The following TAMM41 variants were observed in gnomAD, a reference collection of about 807,000 sequenced individuals.
TAMM41 encodes TAM41 mitochondrial translocator assembly and maintenance homolog, also known as phosphatidate cytidylyltransferase, mitochondrial.
Under a neutral mutation model 44.1 loss-of-function variants are expected in TAMM41, and 36 were observed. The observed-to-expected ratio is 0.82, with a 90% CI of 0.63 to 1.08. TAMM41 has a LOEUF of 1.08. TAMM41 is among the 50% of genes least tolerant of loss of function. The probability of loss-of-function intolerance (pLI) is 0.00; values close to 1 mark genes in which losing one functional copy is unlikely to be tolerated. For synonymous variants in TAMM41, 164 were observed against 153.1 expected (o/e 1.07, Z -0.53); for missense variants, 417 against 404.3 (o/e 1.03, Z -0.27).
chr3:11,829,990 G>A, intron 3 of TAMM41, 126 bp from the exon 4 acceptor site: 1 of 903,120 alleles, frequency 1.1e-6, no homozygotes, highest in Non-Finnish European at 1.7e-6. Context: ...ACTGGTTCAG[G>A]TGACACAAAA....
intron 4 of TAMM41, among the ~76,000 whole-genome samples, chr3:11,819,432 T>C (rs1034973735): frequency 2.0e-5 from 3 of 152,218 alleles, no homozygotes; most frequent in Non-Finnish European, 2.9e-5. Flanking sequence ...ATACTACATA[T>C]ATAAAATTGC....
At chr3:11,739,678 A>AG in the TAMM41 span, among the ~76,000 whole-genome samples, 2 of 149,644 alleles carry the variant, frequency 1.3e-5, no homozygotes. Context: ...TCTCAAAAAA[A>AG]AAAAAAAAAA....
At chr3:11,741,264 G>A in the TAMM41 span, among the ~76,000 whole-genome samples, 1 of 146,080 alleles carries the variant, frequency 6.8e-6, no homozygotes, top group Non-Finnish European at 1.5e-5. Flanking sequence ...CTGGTGTCTG[G>A]TGTGGGCTAC....
chr3:11,809,727 A>G (rs776919304), intron 5 of TAMM41, 45 bp from the exon 6 acceptor site: 20 of 1,567,228 alleles, frequency 1.3e-5, no homozygotes, highest in Non-Finnish European at 1.7e-5. Flanking sequence ...AGTGCTTTAA[A>G]TCCTACAAAT....
the TAMM41 span, among the ~76,000 whole-genome samples, chr3:11,741,729 G>A: frequency 6.7e-6 from 1 of 150,084 alleles, no homozygotes; most frequent in Non-Finnish European, 1.5e-5. Context: ...TCTTTCTTAT[G>A]TTGGGAACTT....
At chr3:11,774,094 A>C in the TAMM41 span, among the ~76,000 whole-genome samples, 2 of 151,894 alleles carry the variant, frequency 1.3e-5, no homozygotes. Flanking sequence ...TCTCAAAAAA[A>C]CCAAAACAAA....
At chr3:11,805,115 T>C (rs1176528425) in intron 7 of TAMM41, among the ~76,000 whole-genome samples, 1 of 147,894 alleles carries the variant, frequency 6.8e-6, no homozygotes, top group Admixed American at 6.9e-5. Context: ...GCAATTCTCC[T>C]GCCTCAGCCG....
intron 4 of TAMM41, among the ~76,000 whole-genome samples, chr3:11,818,082 A>T (rs1436827818): frequency 6.6e-6 from 1 of 152,232 alleles, no homozygotes; most frequent in African/African-American, 2.4e-5. Flanking sequence ...GTGCATGCCT[A>T]CTGGGCTAAT....
chr3:11,781,736 AAAT>A, the TAMM41 span, among the ~76,000 whole-genome samples: 2,281 of 123,002 alleles, frequency 0.019, 21 homozygotes, highest in East Asian at 0.068. Flanking sequence ...CTCCATCTCA[AAAT>A]AATAATAATA....
the TAMM41 span, among the ~76,000 whole-genome samples, chr3:11,747,982 CT>C: frequency 6.6e-5 from 10 of 150,840 alleles, no homozygotes; most frequent in Admixed American, 1.3e-4. Flanking sequence ...TCAAGAGATC[CT>C]CCCACCTCAG....
At chr3:11,780,631 T>C in the TAMM41 span, among the ~76,000 whole-genome samples, 2 of 152,178 alleles carry the variant, frequency 1.3e-5, no homozygotes, top group South Asian at 4.1e-4. Flanking sequence ...ATTAAATGAA[T>C]AAATATATAG....
chr3:11,815,154 C>T (rs904692451), intron 5 of TAMM41, among the ~76,000 whole-genome samples: 7 of 152,106 alleles, frequency 4.6e-5, no homozygotes, highest in Admixed American at 2.6e-4. Flanking sequence ...CCCTCACACC[C>T]TTTAAGAAGG....
chr3:11,802,847 A>G (rs993835564), intron 7 of TAMM41, among the ~76,000 whole-genome samples: 1 of 152,240 alleles, frequency 6.6e-6, no homozygotes, highest in Non-Finnish European at 1.5e-5. Flanking sequence ...AAAAGAGAAT[A>G]CATTATGATC....
At chr3:11,797,229 T>C (rs2077626974) in intron 7 of TAMM41, among the ~76,000 whole-genome samples, 1 of 152,210 alleles carries the variant, frequency 6.6e-6, no homozygotes, top group African/African-American at 2.4e-5. Flanking sequence ...GGCCTCATGC[T>C]ACCCGACTTC....
At chr3:11,766,901 T>C in the TAMM41 span, among the ~76,000 whole-genome samples, 1 of 152,126 alleles carries the variant, frequency 6.6e-6, no homozygotes, top group African/African-American at 2.4e-5. Flanking sequence ...TTTTTTATTT[T>C]GAGATCGCTG....
At chr3:11,761,693 T>A in the TAMM41 span, among the ~76,000 whole-genome samples, 2 of 152,046 alleles carry the variant, frequency 1.3e-5, no homozygotes, top group African/African-American at 4.8e-5. Flanking sequence ...ACACCTGTAA[T>A]CCCAGCACTT....
intron 7 of TAMM41, among the ~76,000 whole-genome samples, chr3:11,801,112 A>AG (rs1050997409): frequency 1.3e-5 from 2 of 151,020 alleles, no homozygotes; most frequent in African/African-American, 4.9e-5. Flanking sequence ...AAAAAAAAAA[A>AG]GGAAGAAGAA....
chr3:11,788,347 T>C (rs2077429035), downstream of TAMM41, among the ~76,000 whole-genome samples: 2 of 152,190 alleles, frequency 1.3e-5, no homozygotes, highest in South Asian at 4.1e-4. Context: ...CAGGCTGGAA[T>C]ACAGCGGCAC....
the TAMM41 span, among the ~76,000 whole-genome samples, chr3:11,725,391 T>C: frequency 7.2e-6 from 1 of 139,062 alleles, no homozygotes; most frequent in South Asian, 2.5e-4. Context: ...CTCCTCCTTC[T>C]TTTTCTTCTT....
Sources: gnomAD v4.1 joint callset for allele counts (sites outside exome capture counted in the v4.1 genomes callset) on GRCh38, gnomAD v4.1.1 for gene constraint, MANE v1.5 for transcripts, NCBI Gene and HGNC (gene_info 2026-07-23, HGNC 2026-07-21) for gene names.